FGFR2: variants seen among roughly 807,000 people sequenced by gnomAD.
FGFR2 encodes fibroblast growth factor receptor 2, also known as BEK fibroblast growth factor receptor.
Under a neutral mutation model 95.9 loss-of-function variants are expected in FGFR2, and 19 were observed. The ratio of observed to expected loss-of-function variants is 0.20; its 90% CI spans 0.14 to 0.29. The LOEUF is 0.29. Ranked by LOEUF, FGFR2 falls within the 10% of genes least tolerant of loss-of-function variation. The probability of loss-of-function intolerance (pLI) is 1.00; values close to 1 mark genes in which losing one functional copy is unlikely to be tolerated. For missense variants in FGFR2, 707 were observed against 1,056.9 expected, an observed-to-expected ratio of 0.67 and a Z score of 4.59; for synonymous variants, 392 against 393.3, an observed-to-expected ratio of 1.00 and a Z score of 0.04.
chr10:121,487,339 A>C lies in FGFR2; in HGVS notation c.2057+15T>G. 6.2e-7 allele frequency: 1 copy of C among 1,608,624 alleles called. No individual in the cohort carries two copies. The highest frequency in any genetic ancestry group is 1.7e-5 in the Admixed American group (1 of 60,000). ...TCAAGCCCAGGAAAAAGCCAGAGAA[A>C]AGAGAGTTACTCACACATCACTCTG... On this transcript the variant is annotated intron_variant, in intron 15 of 17. Coordinates refer to ENST00000358487, the MANE Select transcript of FGFR2 (RefSeq NM_000141.5).
intron 12 of FGFR2, among the ~76,000 whole-genome samples, chr10:121,497,490 G>C (rs1253844483): frequency 6.6e-6 from 1 of 152,154 alleles, no homozygotes; most frequent in Non-Finnish European, 1.5e-5. Flanking sequence ...AACAAAACCA[G>C]ATCATTCCTT....
chr10:121,514,730 G>A (rs2099941912), intron 9 of FGFR2, among the ~76,000 whole-genome samples: 2 of 152,180 alleles, frequency 1.3e-5, no homozygotes, highest in Admixed American at 6.6e-5. Context: ...AGTCCCAAGC[G>A]AATGTTCATG....
chr10:121,524,115 C>T (rs1279934980), intron 6 of FGFR2, among the ~76,000 whole-genome samples: 2 of 143,384 alleles, frequency 1.4e-5, no homozygotes, highest in Admixed American at 7.0e-5. Context: ...CACACACACA[C>T]ACACACACAC....
chr10:121,553,277 CAG>C (rs897518608), intron 4 of FGFR2, among the ~76,000 whole-genome samples: 19 of 152,164 alleles, frequency 1.2e-4, no homozygotes, highest in African/African-American at 4.3e-4. Context: ...AAAGAAGGAA[CAG>C]GGGCTGAATT....
At chr10:121,590,989 GCACA>G (rs746045068) in intron 2 of FGFR2, among the ~76,000 whole-genome samples, 2,975 of 148,822 alleles carry the variant, frequency 0.02, 49 homozygotes, top group Non-Finnish European at 0.031. Context: ...GCGCACTCGC[GCACA>G]CACACACACA....
chr10:121,525,361 G>A (rs888844525), intron 6 of FGFR2, among the ~76,000 whole-genome samples: 4 of 152,146 alleles, frequency 2.6e-5, no homozygotes, highest in African/African-American at 9.7e-5. Context: ...GCTGGAATGA[G>A]GTTCCACCAA....
chr10:121,528,977 A>G (rs1851744036), intron 6 of FGFR2, among the ~76,000 whole-genome samples: 2 of 152,214 alleles, frequency 1.3e-5, no homozygotes, highest in African/African-American at 4.8e-5. Flanking sequence ...CCCAGGCTGG[A>G]GTGCAATGGC....
At chr10:121,495,695 C>T (rs1428511430) in intron 13 of FGFR2, among the ~76,000 whole-genome samples, 1 of 152,142 alleles carries the variant, frequency 6.6e-6, no homozygotes, top group Non-Finnish European at 1.5e-5. Context: ...ACCCAGACCC[C>T]CAGTGACAGA....
intron 11 of FGFR2, 93 bp downstream of exon 11, chr10:121,500,733 C>T (rs1213520053): frequency 1.9e-5 from 30 of 1,550,498 alleles, no homozygotes; most frequent in African/African-American, 1.1e-4. Flanking sequence ...TCTCTGACCC[C>T]GTGCCATGAT....
intron 2 of FGFR2, among the ~76,000 whole-genome samples, chr10:121,575,943 T>C (rs2135279898): frequency 6.6e-6 from 1 of 152,108 alleles, no homozygotes; most frequent in South Asian, 2.1e-4. Context: ...CCCAGCACTT[T>C]GGGAGGCCAA....
At chr10:121,483,133 T>C (rs530573983) in intron 17 of FGFR2, among the ~76,000 whole-genome samples, 1 of 152,324 alleles carries the variant, frequency 6.6e-6, no homozygotes, top group African/African-American at 2.4e-5. Flanking sequence ...CATGTTTTTA[T>C]GTAAAAATCA....
chr10:121,486,909 T>G (rs1845486461), intron 15 of FGFR2, among the ~76,000 whole-genome samples: 1 of 152,208 alleles, frequency 6.6e-6, no homozygotes, highest in South Asian at 2.1e-4. Context: ...GTAGACCCTG[T>G]GGAGGTCCCC....
chr10:121,569,216 TTTCTTTTC>T (rs1362272947), intron 2 of FGFR2, among the ~76,000 whole-genome samples: 18 of 148,642 alleles, frequency 1.2e-4, no homozygotes, highest in African/African-American at 4.6e-4. Context: ...TTTCTTTTCT[TTTCTTTTC>T]TTTTTTTTTT....
chr10:121,505,124 G>C (rs1300510662), intron 9 of FGFR2, among the ~76,000 whole-genome samples: 1 of 152,154 alleles, frequency 6.6e-6, no homozygotes, highest in Non-Finnish European at 1.5e-5. Context: ...AATTTAGGTG[G>C]GATGAACTTT....
Position 121,593,870 on chromosome 10 carries a change from C to A in FGFR2, c.-53G>T. The A allele has an allele frequency of 6.6e-7, 1 of 1,509,876 alleles. No homozygotes were observed. The highest frequency in any genetic ancestry group is 9.2e-7 in the Non-Finnish European group (1 of 1,084,862). The allele number at this position is 1,509,876 out of a possible 1,614,324, so 93.5% of individuals were successfully genotyped here. A position where few individuals can be genotyped will look rare whatever the true frequency, so the allele number is the denominator to read the frequency against. On this transcript the variant is annotated 5_prime_UTR_variant, in exon 2 of 18. Transcript: ENST00000358487. ...TCCATATCTCCATGTGGACGTTAAT[C>A]CCATCTGCACACTTCCTCTACGGGC...
intron 17 of FGFR2, 67 bp downstream of exon 17, chr10:121,483,631 G>A (rs1192537356): frequency 3.6e-6 from 4 of 1,113,082 alleles, no homozygotes; most frequent in Non-Finnish European, 4.1e-6. Context: ...GGGAGTGTGT[G>A]TGTAAAACAC....
At position 121,517,190 on chromosome 10, in the gene FGFR2, AT is replaced by A; in HGVS notation, c.1084+128del. ...GCAGTTTTCTTATCCCTGAGGGATC[AT>A]TTTTAACATTTTTTATATCTTTATG... On this transcript the variant is annotated intron_variant, in intron 8 of 17. Coordinates refer to ENST00000358487, the MANE Select transcript of FGFR2 (RefSeq NM_000141.5). This position sits in a 1 kb window ranked among gnomAD's most constrained non-coding sequence, Gnocchi z 4.7. 1 of 1,054,916 alleles carries A rather than the reference AT, an allele frequency of 9.5e-7. No individual in the cohort carries two copies. The allele number at this position is 1,054,916 out of a possible 1,614,324, so 65.3% of individuals were successfully genotyped here.
chr10:121,519,200 T>C (rs1006338638), intron 7 of FGFR2, among the ~76,000 whole-genome samples: 12 of 152,134 alleles, frequency 7.9e-5, no homozygotes, highest in Non-Finnish European at 1.8e-4. Context: ...GGACATTCAT[T>C]CTCCATGAGC....
intron 4 of FGFR2, among the ~76,000 whole-genome samples, chr10:121,555,450 A>G (rs190982630): frequency 4.6e-5 from 7 of 152,174 alleles, no homozygotes; most frequent in Non-Finnish European, 8.8e-5. Context: ...AACTTTATAT[A>G]CCTTAGAGGT....
Sources: gnomAD v4.1 joint callset for allele counts (sites outside exome capture counted in the v4.1 genomes callset) on GRCh38, gnomAD v4.1.1 for gene constraint, Gnocchi (gnomAD v3.1) non-coding constraint, MANE v1.5 for transcripts, NCBI Gene and HGNC (gene_info 2026-07-23, HGNC 2026-07-21) for gene names.